The following KCNT1 variants were observed in gnomAD, a reference collection of about 807,000 sequenced individuals.
KCNT1 encodes the protein potassium channel subfamily T member 1.
KCNT1 carries 78 observed loss-of-function variants against 147.8 expected under a neutral mutation model. That is an observed-to-expected ratio of 0.53 (90% confidence interval 0.44 to 0.64). KCNT1 has a LOEUF of 0.64. Among genes scored for constraint, KCNT1 ranks in the 30% least tolerant of loss-of-function variants. KCNT1 has a pLI of 0.00. For missense variants in KCNT1, 1,419 were observed against 1,750.3 expected, an observed-to-expected ratio of 0.81 and a Z score of 3.38; for synonymous variants, 867 against 748.8, an observed-to-expected ratio of 1.16 and a Z score of -2.58.
chr9:135,734,897 C>T (rs376450710), intron 2 of KCNT1, among the ~76,000 whole-genome samples: 241 of 152,292 alleles, frequency 1.6e-3, no homozygotes, highest in African/African-American at 4.7e-3. Context: ...AGTCATGGCG[C>T]GGTGAAGGGC....
Position 135,702,258 on chromosome 9 carries a change from C to T in KCNT1, c.-1C>T. The stretch of plus-strand genomic sequence containing the variant: ...GGGTCGGGTCCGAGCTGCCAGGCCG[C>T]ATGCCACTCCCTGACGGGGCGCGGA... On this transcript the variant is annotated 5_prime_UTR_variant, in exon 1 of 31. Coordinates refer to ENST00000371757, the MANE Select transcript of KCNT1 (RefSeq NM_020822.3). The T allele has an allele frequency of 6.2e-7, 1 of 1,606,658 alleles. No homozygotes were observed. Among genetic ancestry groups the T allele is most frequent in the Non-Finnish European group, 8.5e-7 (1 of 1,175,856 alleles).
At chr9:135,742,427 T>C (rs1292926406) in intron 2 of KCNT1, among the ~76,000 whole-genome samples, 1 of 152,160 alleles carries the variant, frequency 6.6e-6, no homozygotes. Flanking sequence ...CGAGTGTGGT[T>C]GTCACCCCCC....
chr9:135,745,521 T>C lies in KCNT1; in HGVS notation c.255-4577T>C, dbSNP rs190725665. Among the ~76,000 whole-genome samples, 943 of 152,292 alleles carry C rather than the reference T, an allele frequency of 6.2e-3. 4 individuals are homozygous for C. The highest frequency in any genetic ancestry group is 9.3e-3 in the Non-Finnish European group (630 of 68,014). On this transcript the variant is annotated intron_variant, in intron 2 of 30. Coordinates refer to ENST00000371757, the MANE Select transcript of KCNT1 (RefSeq NM_020822.3). ...CTCTTTTGGCTGACGTGGGTCCTGA[T>C]GGTTTGAGCAGACGGGTGCTGGCCC... is the stretch of plus-strand genomic sequence containing the variant.
At chr9:135,772,982 G>A (rs1387144006) in intron 19 of KCNT1, 33 bp downstream of exon 19, 45 of 1,401,610 alleles carry the variant, frequency 3.2e-5, no homozygotes, top group African/African-American at 5.9e-5. Flanking sequence ...CTCCCAGTGG[G>A]GGGAGGAGCC....
chr9:135,783,106 G>A (rs1027526178), intron 24 of KCNT1, among the ~76,000 whole-genome samples: 4 of 152,226 alleles, frequency 2.6e-5, no homozygotes, highest in East Asian at 1.9e-4. Context: ...GGGGCCCTCC[G>A]CTGAAGAATG....
chr9:135,773,681 G>A (rs963326314), intron 19 of KCNT1, among the ~76,000 whole-genome samples: 5 of 152,270 alleles, frequency 3.3e-5, no homozygotes, highest in Admixed American at 6.5e-5. Context: ...CATCCTCAGC[G>A]GGGCTGCCTC....
At chr9:135,785,242 C>G in intron 27 of KCNT1, 68 bp from the exon 28 acceptor site, 1 of 1,599,646 alleles carries the variant, frequency 6.3e-7, no homozygotes, top group South Asian at 1.1e-5. Context: ...GTGCAGACCC[C>G]AGGCTGAGGC....
rs1208098376 is a variant in KCNT1, at chr9:135,770,941, C to T, written c.1854C>T (p.Ala618=). The T allele has an allele frequency of 2.5e-6, 4 of 1,613,528 alleles. No homozygotes were observed. In the Admixed American group the frequency reaches 6.7e-5, roughly 27 times the overall value. The change falls in exon 18 of 31, where the codon GCC becomes GCT. Residue 618 remains alanine, a synonymous_variant. Transcript: ENST00000371757. The part of the protein sequence containing the change: ...LNPGPRHILA[A]SDTCFYINIT... ...CGGGGCCCCGGCACATCCTGGCCGC[C>T]TCTGACACCTGCTTCTACATCAACA...
In KCNT1 at chr9:135,729,456, C is replaced by T. The variant is rs149363429; in HGVS notation, c.254+14736C>T. 5.2e-3 allele frequency among the ~76,000 whole-genome samples: 785 copies of T among 152,382 alleles called. 3 individuals carry two copies. The highest frequency in any genetic ancestry group is 8.7e-3 in the Non-Finnish European group (592 of 68,032). On this transcript the variant is annotated intron_variant, in intron 2 of 30. Transcript: ENST00000371757. ...GCAGATTCCTGCTGGGCTCCAGATG[C>T]GGGCCCAGCCCTGCGGATGCCTCCG...
chr9:135,730,583 G>A lies in KCNT1; in HGVS notation c.254+15863G>A, dbSNP rs913017903. Among the ~76,000 whole-genome samples the A allele has an allele frequency of 6.6e-6, 1 of 152,142 alleles. No individual in the cohort carries two copies. The highest frequency in any genetic ancestry group is 1.5e-5 in the Non-Finnish European group (1 of 68,030). Reference sequence around the variant, plus strand: ...CCAGCCGGGGAGGGTGGTGGTCACCGGAAGCTGGAAGAGGCAAGGAAATGG... The same window carrying A: ...CCAGCCGGGGAGGGTGGTGGTCACCAGAAGCTGGAAGAGGCAAGGAAATGG... On this transcript the variant is annotated intron_variant, in intron 2 of 30. Coordinates refer to ENST00000371757, the MANE Select transcript of KCNT1 (RefSeq NM_020822.3). The surrounding 1 kb of genome is among the most constrained non-coding windows in gnomAD (Gnocchi z 4.7).
chr9:135,777,585 GC>G, intron 21 of KCNT1, 75 bp downstream of exon 21: 1 of 1,448,994 alleles, frequency 6.9e-7, no homozygotes, highest in Non-Finnish European at 9.4e-7. Flanking sequence ...CCCCAACTGG[GC>G]CCACCCTTCG....
intron 28 of KCNT1, 133 bp from the exon 29 acceptor site, chr9:135,786,038 CTGGGGTCTGTCGTCGTCCTCTTCCCT>C: frequency 3.1e-6 from 2 of 638,288 alleles, no homozygotes; most frequent in Non-Finnish European, 5.4e-6. Context: ...CACATGCACC[CTGGGGTCTGTCGTCGTCCTCTTCCCT>C]AACACCCCCA....
At chr9:135,711,149 C>T (rs1198636375) in intron 1 of KCNT1, among the ~76,000 whole-genome samples, 4 of 152,230 alleles carry the variant, frequency 2.6e-5, no homozygotes, top group South Asian at 2.1e-4. Context: ...TCCTTTTTCT[C>T]GCAGCAGTGC....
intron 2 of KCNT1, among the ~76,000 whole-genome samples, chr9:135,729,192 C>T (rs779287748): frequency 6.6e-6 from 1 of 152,260 alleles, no homozygotes; most frequent in South Asian, 2.1e-4. Context: ...GCTGCGTCTA[C>T]TCACACGTGC....
chr9:135,737,813 A>T (rs1830404007), intron 2 of KCNT1, among the ~76,000 whole-genome samples: 1 of 152,132 alleles, frequency 6.6e-6, no homozygotes, highest in Non-Finnish European at 1.5e-5. Context: ...CTAGCTCTTC[A>T]CAGCAGCCCT....
chr9:135,787,365 C>T (rs1834142011), intron 29 of KCNT1, among the ~76,000 whole-genome samples: 1 of 151,940 alleles, frequency 6.6e-6, no homozygotes, highest in Admixed American at 6.5e-5. Flanking sequence ...AAGCCATGGG[C>T]CCCAGCTCCC....
intron 2 of KCNT1, among the ~76,000 whole-genome samples, chr9:135,749,539 G>T (rs1269238117): frequency 6.6e-6 from 1 of 152,170 alleles, no homozygotes; most frequent in Non-Finnish European, 1.5e-5. Flanking sequence ...GTGGGTGCAG[G>T]GATGACCACT....
At chr9:135,735,800 C>T (rs979706154) in intron 2 of KCNT1, among the ~76,000 whole-genome samples, 5 of 152,196 alleles carry the variant, frequency 3.3e-5, no homozygotes, top group African/African-American at 1.2e-4. Context: ...CTGCTGAGGA[C>T]AGGGGCGCAT....
At chr9:135,741,243 G>C (rs952885624) in intron 2 of KCNT1, among the ~76,000 whole-genome samples, 2 of 152,178 alleles carry the variant, frequency 1.3e-5, no homozygotes, top group African/African-American at 4.8e-5. Context: ...ACTCAGCTAG[G>C]GCTATATCGG....
Sources: allele counts gnomAD v4.1 joint callset (sites outside exome capture counted in the v4.1 genomes callset), GRCh38; gene constraint gnomAD v4.1.1; non-coding constraint Gnocchi (gnomAD v3.1); transcripts MANE v1.5; gene names NCBI Gene and HGNC (gene_info 2026-07-23, HGNC 2026-07-21).